The following TTYH2 variants were observed in gnomAD, a reference collection of about 807,000 sequenced individuals.
TTYH2 encodes protein tweety homolog 2.
A neutral mutation model predicts 68.3 loss-of-function variants in TTYH2; 49 were observed. The observed-to-expected ratio is 0.72, with a 90% CI of 0.57 to 0.91. The LOEUF (loss-of-function observed/expected upper bound fraction) is 0.91, where lower values mean the gene tolerates loss of function less well. TTYH2 is among the 40% of genes least tolerant of loss of function. The probability of loss-of-function intolerance (pLI) is 0.00; values close to 1 mark genes in which losing one functional copy is unlikely to be tolerated. For synonymous variants in TTYH2, 272 were observed against 300.8 expected (o/e 0.90, Z 0.99); for missense variants, 631 against 700.4 (o/e 0.90, Z 1.12).
At chr17:74,255,707 G>A (rs755392471) in intron 13 of TTYH2, among the ~76,000 whole-genome samples, 7 of 152,048 alleles carry the variant, frequency 4.6e-5, no homozygotes, top group Non-Finnish European at 1.0e-4. Context: ...AAAGTGCTGG[G>A]ATTACAGGCA....
At chr17:74,256,001 G>A (rs560512478) in intron 13 of TTYH2, among the ~76,000 whole-genome samples, 6 of 152,272 alleles carry the variant, frequency 3.9e-5, no homozygotes, top group Admixed American at 1.3e-4. Flanking sequence ...TCAGCTTCCC[G>A]GTCATGGCGC....
intron 13 of TTYH2, among the ~76,000 whole-genome samples, chr17:74,258,014 C>T (rs1219803995): frequency 6.6e-6 from 1 of 151,794 alleles, no homozygotes; most frequent in African/African-American, 2.4e-5. Context: ...ATTAGCTGGG[C>T]ATGGTGATGG....
Position 74,252,297 on chromosome 17 carries a change from C to G in TTYH2, c.1180C>G (p.Leu394Val). The change falls in exon 11 of 14, where the codon CTC (leucine) becomes GTC (valine). Residue 394 changes from leucine (L) to valine (V), a missense_variant. Leu to Val is a conservative substitution (Grantham distance 32). Coordinates refer to ENST00000269346, the MANE Select transcript of TTYH2 (RefSeq NM_032646.6). ...DGLQGLLYLG[L>V]FSFLAALAFS... ...CCTCCAGGGCTTGCTGTACCTTGGC[C>G]TCTTCTCCTTCCTGGCCGCCCTCGC... The G allele has an allele frequency of 6.2e-7, 1 of 1,613,940 alleles. No homozygotes were observed. Among genetic ancestry groups the G allele is most frequent in the Non-Finnish European group, 8.5e-7 (1 of 1,180,050 alleles).
chr17:74,251,386 G>T (rs59240044), intron 10 of TTYH2, among the ~76,000 whole-genome samples: 8 of 149,532 alleles, frequency 5.4e-5, no homozygotes, highest in Admixed American at 1.3e-4. Context: ...CATGTGTGTG[G>T]GGGGTGTGTG....
intron 1 of TTYH2, among the ~76,000 whole-genome samples, chr17:74,219,953 TG>T (rs1448384248): frequency 6.6e-6 from 1 of 150,968 alleles, no homozygotes. Flanking sequence ...TGTTACACAA[TG>T]ATTTGCAATT....
chr17:74,235,895 C>CAAAAAA (rs538914752), intron 3 of TTYH2, among the ~76,000 whole-genome samples: 1 of 55,096 alleles, frequency 1.8e-5, no homozygotes. Context: ...GACTCCATCT[C>CAAAAAA]AAAAAAAAAA....
At chr17:74,248,474 C>T (rs2050584209) in intron 6 of TTYH2, 1 of 988,142 alleles carries the variant, frequency 1.0e-6, no homozygotes, top group South Asian at 4.7e-5. Context: ...AGCACCTGCA[C>T]CCAAGGCTCA....
chr17:74,230,342 G>A (rs1397685645), intron 2 of TTYH2, among the ~76,000 whole-genome samples: 10 of 151,584 alleles, frequency 6.6e-5, no homozygotes, highest in African/African-American at 1.2e-4. Flanking sequence ...CGACCTATCC[G>A]CCTCAGCCTC....
chr17:74,217,217 C>G lies in TTYH2; in HGVS notation c.129+3501C>G, dbSNP rs1475646171. 6.6e-6 allele frequency among the ~76,000 whole-genome samples: 1 copy of G among 152,266 alleles called. No individual in the cohort carries two copies. The highest frequency in any genetic ancestry group is 1.9e-4 in the East Asian group (1 of 5,206). On this transcript the variant is annotated intron_variant, in intron 1 of 13. Coordinates refer to ENST00000269346, the MANE Select transcript of TTYH2 (RefSeq NM_032646.6). The surrounding 1 kb of genome is among the most constrained non-coding windows in gnomAD (Gnocchi z 4.0). Reference sequence around the variant, plus strand: ...AAATGTTAGTTATTGCTACTGTCAACAGGCAGGTGGCCACATGTGTGCTTC... The same window carrying G: ...AAATGTTAGTTATTGCTACTGTCAAGAGGCAGGTGGCCACATGTGTGCTTC...
At chr17:74,252,174 T>TCGGC in intron 10 of TTYH2, 60 bp from the exon 11 acceptor site, 8 of 1,596,860 alleles carry the variant, frequency 5.0e-6, no homozygotes, top group Non-Finnish European at 3.4e-6. Context: ...AGAGGAGAGC[T>TCGGC]CGGCCCGCAG....
chr17:74,232,478 G>A lies in TTYH2; in HGVS notation c.414+1479G>A, dbSNP rs534872709. The stretch of plus-strand genomic sequence containing the variant: ...AGATGCTAGTCTGGAACAGCCTTGC[G>A]CGGTGAGCTGGGGCGGCTGGGTTGG... On this transcript the variant is annotated intron_variant, in intron 3 of 13. Transcript: ENST00000269346. This position sits in a 1 kb window ranked among gnomAD's most constrained non-coding sequence, Gnocchi z 5.1. 1.5e-4 allele frequency among the ~76,000 whole-genome samples: 23 copies of A among 152,334 alleles called. No homozygotes were observed. The highest frequency in any genetic ancestry group is 2.9e-4 in the African/African-American group (12 of 41,574).
intron 13 of TTYH2, among the ~76,000 whole-genome samples, chr17:74,257,840 G>A (rs1282073592): frequency 1.3e-5 from 2 of 152,182 alleles, no homozygotes; most frequent in African/African-American, 4.8e-5. Flanking sequence ...TATCATTCAA[G>A]TTGGGAAATA....
At position 74,250,509 on chromosome 17, in the gene TTYH2, G is replaced by C. The variant is rs144932863; in HGVS notation, c.1116+152G>C. 3 of 657,026 alleles carry C rather than the reference G, an allele frequency of 4.6e-6. No individual in the cohort carries two copies. In the East Asian group the frequency reaches 8.3e-5, roughly 18 times the overall value. The allele number at this position is 657,026 out of a possible 1,614,324, so 40.7% of individuals were successfully genotyped here. A position where few individuals can be genotyped will look rare whatever the true frequency, so the allele number is the denominator to read the frequency against. On this transcript the variant is annotated intron_variant, in intron 10 of 13. Coordinates refer to ENST00000269346, the MANE Select transcript of TTYH2 (RefSeq NM_032646.6). ...CTGAAGCCAGATAATGGGAAGGGAG[G>C]GGGTGCCTGGCTTCTCCAGGGGCTG...
intron 6 of TTYH2, among the ~76,000 whole-genome samples, chr17:74,247,758 A>G (rs1275906754): frequency 1.3e-5 from 2 of 152,160 alleles, no homozygotes; most frequent in Non-Finnish European, 2.9e-5. Context: ...CAGCTCTGAT[A>G]GGTAATAATA....
In TTYH2 at chr17:74,249,989, G is replaced by A. The variant is rs944148215; in HGVS notation, c.984G>A (p.Gly328=). ...CCACCATGCAGATCCAGGTCGCGGG[G>A]CTGCTGCAGTTTGCCGTGCCCCTCT... ...ALTTMQIQVA[G]LLQFAVPLFS... Residue 328 remains glycine (G), a synonymous_variant, in exon 9 of 14, where the codon GGG becomes GGA. Transcript: ENST00000269346. 1.2e-6 allele frequency: 2 copies of A among 1,614,130 alleles called. No individual in the cohort carries two copies. Among genetic ancestry groups the A allele is most frequent in the Admixed American group, 3.3e-5 (2 of 60,022 alleles).
rs753950074 is a variant in TTYH2, at chr17:74,260,143, G to A, written c.1539G>A (p.Met513Ile). ...TCTCTTGGCAGTACTCTCCCAGCAT[G>A]AGAGCCACCTACCTGTCTGTGGCGG... ...ASPPPTYSPS[M>I]RATYLSVADE... The change falls in exon 14 of 14, where the codon ATG becomes ATA. Residue 513 changes from methionine (M) to isoleucine (I), a missense_variant. Coordinates refer to ENST00000269346, the MANE Select transcript of TTYH2 (RefSeq NM_032646.6). The A allele has an allele frequency of 1.2e-5, 19 of 1,613,854 alleles. No homozygotes were observed. The highest frequency in any genetic ancestry group is 1.5e-5 in the Non-Finnish European group (18 of 1,179,840).
At position 74,250,429 on chromosome 17, in the gene TTYH2, C is replaced by A. The variant is rs187140941; in HGVS notation, c.1116+72C>A. 13 of 1,310,314 alleles carry A rather than the reference C, an allele frequency of 9.9e-6. No individual in the cohort carries two copies. In the African/African-American group the frequency reaches 1.8e-4, roughly 18 times the overall value. The allele number at this position is 1,310,314 out of a possible 1,614,324, so 81.2% of individuals were successfully genotyped here. A position where few individuals can be genotyped will look rare whatever the true frequency, so the allele number is the denominator to read the frequency against. On this transcript the variant is annotated intron_variant, in intron 10 of 13. Coordinates refer to ENST00000269346, the MANE Select transcript of TTYH2 (RefSeq NM_032646.6). ...CAGGCCACACCTTCCAGAGAAAAGC[C>A]GGTAGAGGCCGAGGGGAGCGATGGC...
At position 74,243,968 on chromosome 17, in the gene TTYH2, C is replaced by T. The variant is rs1268589191; in HGVS notation, c.732-9C>T. The T allele has an allele frequency of 2.5e-6, 4 of 1,610,764 alleles. No homozygotes were observed. The highest frequency in any genetic ancestry group is 3.4e-6 in the Non-Finnish European group (4 of 1,179,512). The stretch of plus-strand genomic sequence containing the variant: ...CGCCTGCCAACGTTGTCGCCTGCCT[C>T]TCTCCTAGGATGCTGTGCTGTGGGG... On this transcript the variant is annotated splice_polypyrimidine_tract_variant and intron_variant, in intron 5 of 13. Transcript: ENST00000269346.
intron 3 of TTYH2, among the ~76,000 whole-genome samples, chr17:74,236,758 C>A (rs1598221881): frequency 6.6e-6 from 1 of 152,274 alleles, no homozygotes; most frequent in East Asian, 1.9e-4. Flanking sequence ...GGGACTGCCC[C>A]CTGGTTTGAG....
Sources: allele counts gnomAD v4.1 joint callset (sites outside exome capture counted in the v4.1 genomes callset), GRCh38; gene constraint gnomAD v4.1.1; non-coding constraint Gnocchi (gnomAD v3.1); transcripts MANE v1.5; gene names NCBI Gene and HGNC (gene_info 2026-07-23, HGNC 2026-07-21).